The following ATP9B variants were observed in gnomAD, a reference collection of about 807,000 sequenced individuals.
ATP9B encodes ATPase phospholipid transporting 9B, also known as probable phospholipid-transporting ATPase IIB.
ATP9B carries 110 observed loss-of-function variants against 146.1 expected under a neutral mutation model. The ratio of observed to expected loss-of-function variants is 0.75; its 90% confidence interval spans 0.65 to 0.88. The LOEUF (loss-of-function observed/expected upper bound fraction) is 0.88, where lower values mean the gene tolerates loss of function less well. ATP9B is among the 40% of genes least tolerant of loss of function. The probability of loss-of-function intolerance (pLI) is 0.00; values close to 1 mark genes in which losing one functional copy is unlikely to be tolerated. For missense variants in ATP9B, 1,499 were observed against 1,496.4 expected, an observed-to-expected ratio of 1.00 and a Z score of -0.03; for synonymous variants, 604 against 569.7, an observed-to-expected ratio of 1.06 and a Z score of -0.86.
chr18:79,217,977 G>A (rs1412975074), intron 11 of ATP9B, among the ~76,000 whole-genome samples: 1 of 152,238 alleles, frequency 6.6e-6, no homozygotes, highest in Non-Finnish European at 1.5e-5. Context: ...ATACATTGGA[G>A]TTCGTCGTCA....
chr18:79,256,156 T>G (rs9966543), intron 12 of ATP9B, among the ~76,000 whole-genome samples: 2 of 149,724 alleles, frequency 1.3e-5, no homozygotes, highest in Non-Finnish European at 3.0e-5. Context: ...GTCTTTTTTT[T>G]AAAAAACTCC....
intron 12 of ATP9B, among the ~76,000 whole-genome samples, chr18:79,269,195 C>A (rs2096232583): frequency 6.6e-6 from 1 of 152,200 alleles, no homozygotes; most frequent in Non-Finnish European, 1.5e-5. Flanking sequence ...TGGTCGATGT[C>A]CTCACTGTGT....
intron 11 of ATP9B, among the ~76,000 whole-genome samples, chr18:79,238,841 GGCAGTGACGCGGAC>G (rs1387426999): frequency 6.6e-6 from 1 of 151,264 alleles, no homozygotes; most frequent in Non-Finnish European, 1.5e-5. Context: ...TGGCCACATG[GGCAGTGACGCGGAC>G]GCAGTGAAGC....
intron 26 of ATP9B, among the ~76,000 whole-genome samples, chr18:79,372,104 TC>T (rs1462855495): frequency 6.6e-6 from 1 of 152,206 alleles, no homozygotes; most frequent in East Asian, 1.9e-4. Flanking sequence ...TGTTAATGAC[TC>T]AGCCTCTCTT....
chr18:79,133,266 C>T (rs1568245112), intron 5 of ATP9B, among the ~76,000 whole-genome samples: 1 of 152,112 alleles, frequency 6.6e-6, no homozygotes, highest in Non-Finnish European at 1.5e-5. Flanking sequence ...GGATCCATCC[C>T]AGTATTTCAT....
At chr18:79,202,956 C>G (rs1258108448) in intron 9 of ATP9B, among the ~76,000 whole-genome samples, 1 of 152,188 alleles carries the variant, frequency 6.6e-6, no homozygotes, top group African/African-American at 2.4e-5. Context: ...TTCTCTTGGA[C>G]TTTGACATTA....
chr18:79,327,530 G>GTGGTTAGTGTGCTCTCTCCA (rs2096757136), intron 15 of ATP9B, among the ~76,000 whole-genome samples: 24 of 109,254 alleles, frequency 2.2e-4, no homozygotes, highest in African/African-American at 8.0e-4. Flanking sequence ...CGTGCTCTCC[G>GTGGTTAGTGTGCTCTCTCCA]TGGTTAGCGT....
chr18:79,121,476 T>C (rs1030294692), intron 4 of ATP9B, among the ~76,000 whole-genome samples: 14 of 152,200 alleles, frequency 9.2e-5, no homozygotes, highest in African/African-American at 3.4e-4. Context: ...AAGACTTGCT[T>C]ACTCCAGTCC....
intron 11 of ATP9B, among the ~76,000 whole-genome samples, chr18:79,236,760 C>T (rs1486488835): frequency 6.9e-6 from 1 of 145,904 alleles, no homozygotes; most frequent in Non-Finnish European, 1.5e-5. Context: ...GTGCACGGTC[C>T]GTGCACGAGT....
chr18:79,330,222 G>A (rs888638924), intron 17 of ATP9B, 118 bp downstream of exon 17: 4 of 932,064 alleles, frequency 4.3e-6, no homozygotes, highest in Admixed American at 4.1e-5. Flanking sequence ...ACAGGAAAAG[G>A]ATATCCTTTC....
chr18:79,318,771 C>T (rs896657226), intron 15 of ATP9B, among the ~76,000 whole-genome samples: 5 of 152,134 alleles, frequency 3.3e-5, no homozygotes, highest in African/African-American at 4.8e-5. Context: ...TATTTTACAA[C>T]AGTGGTTTAG....
intron 13 of ATP9B, among the ~76,000 whole-genome samples, chr18:79,285,810 G>A (rs1005937531): frequency 6.6e-6 from 1 of 151,652 alleles, no homozygotes; most frequent in African/African-American, 2.4e-5. Flanking sequence ...TGTAAGAAAG[G>A]GATCCAGTTT....
chr18:79,366,133 C>G (rs2097026849), intron 26 of ATP9B, among the ~76,000 whole-genome samples: 1 of 152,208 alleles, frequency 6.6e-6, no homozygotes, highest in Non-Finnish European at 1.5e-5. Flanking sequence ...CTGGGAGGTG[C>G]AGAACTGTAG....
intron 17 of ATP9B, among the ~76,000 whole-genome samples, chr18:79,332,258 T>A (rs967269719): frequency 6.6e-6 from 1 of 150,982 alleles, no homozygotes; most frequent in Non-Finnish European, 1.5e-5. Context: ...TGAAACCCCA[T>A]CTCTACTAAA....
intron 13 of ATP9B, among the ~76,000 whole-genome samples, chr18:79,295,080 AT>A (rs2096537821): frequency 7.0e-6 from 1 of 142,058 alleles, no homozygotes; most frequent in Non-Finnish European, 1.5e-5. Context: ...GCGTGCATCC[AT>A]GAATGCAAGC....
chr18:79,143,312 A>G (rs560927828), intron 5 of ATP9B, among the ~76,000 whole-genome samples: 1 of 152,238 alleles, frequency 6.6e-6, no homozygotes, highest in Non-Finnish European at 1.5e-5. Context: ...AAAGTTTTAG[A>G]TATAACTTTT....
intron 13 of ATP9B, among the ~76,000 whole-genome samples, chr18:79,302,019 T>C (rs1005395454): frequency 6.6e-6 from 1 of 152,192 alleles, no homozygotes; most frequent in Non-Finnish European, 1.5e-5. Context: ...GAGGGTACCA[T>C]AGACATGAAA....
intron 19 of ATP9B, among the ~76,000 whole-genome samples, chr18:79,339,548 C>T (rs979939094): frequency 1.3e-5 from 2 of 150,484 alleles, no homozygotes; most frequent in South Asian, 2.1e-4. Flanking sequence ...TATCTGAGAT[C>T]GCAGTAGGAA....
intron 25 of ATP9B, chr18:79,352,387 G>C (rs532103658): frequency 4.1e-4 from 62 of 152,278 alleles, no homozygotes; most frequent in African/African-American, 1.5e-3. Flanking sequence ...AGGCTCTGTG[G>C]GTTTATCAGA....
Sources: gnomAD v4.1 joint callset for allele counts (sites outside exome capture counted in the v4.1 genomes callset) on GRCh38, gnomAD v4.1.1 for gene constraint, MANE v1.5 for transcripts, NCBI Gene and HGNC (gene_info 2026-07-23, HGNC 2026-07-21) for gene names.